NCOR2: variants seen among roughly 807,000 people sequenced by gnomAD.
NCOR2 encodes the protein nuclear receptor corepressor 2.
Under a neutral mutation model 262.9 loss-of-function variants are expected in NCOR2, and 81 were observed. That is an observed-to-expected ratio of 0.31 (90% confidence interval 0.26 to 0.37). NCOR2 has a LOEUF of 0.37. Among genes scored for constraint, NCOR2 ranks in the 10% least tolerant of loss-of-function variants. The pLI is 1.00. For synonymous variants in NCOR2, 1,659 were observed against 1,559.3 expected, an observed-to-expected ratio of 1.06 and a Z score of -1.51; for missense variants, 3,385 against 3,621.4, an observed-to-expected ratio of 0.93 and a Z score of 1.68.
intron 17 of NCOR2, chr12:124,383,546 A>AT: frequency 1.9e-6 from 1 of 516,890 alleles, no homozygotes. Context: ...AAAAAAAAAA[A>AT]GAGGGGGCCT....
In NCOR2 at chr12:124,403,324, CAG is replaced by C; in HGVS notation, c.1483-765_1483-764del. Among the ~76,000 whole-genome samples the C allele has an allele frequency of 1.3e-5, 2 of 152,234 alleles. 1 individual carries two copies. Among genetic ancestry groups the C allele is most frequent in the Non-Finnish European group, 2.9e-5 (2 of 67,988 alleles). On this transcript the variant is annotated intron_variant, in intron 13 of 46. Coordinates refer to ENST00000405201, the Ensembl canonical transcript of NCOR2. ...AACAAGCCCATTTTACAGAGCAGATCAGAGAGGCTGGGAGCCAAGCCAGCCTC... is the reference window on the plus strand; with the variant it reads ...AACAAGCCCATTTTACAGAGCAGATCAGAGGCTGGGAGCCAAGCCAGCCTC...
rs539786737 is a variant in NCOR2 at position 124,437,457 on chromosome 12, A to C, written c.882+473T>G. ...CTGGCCACAAATGCAGGCTCAGGGAAAGGGGGCTCAATGCTTGTCCACTGT... is the reference window on the plus strand; with the variant it reads ...CTGGCCACAAATGCAGGCTCAGGGACAGGGGGCTCAATGCTTGTCCACTGT... On this transcript the variant is annotated intron_variant, in intron 8 of 46. Coordinates refer to ENST00000405201, the Ensembl canonical transcript of NCOR2. Among the ~76,000 whole-genome samples, 27 of 152,292 alleles carry C rather than the reference A, an allele frequency of 1.8e-4. 3 individuals carry two copies. In the South Asian group the frequency reaches 5.6e-3, roughly 32 times the overall value.
rs111626833 is a variant in NCOR2 at position 124,442,464 on chromosome 12, C to T, written c.816-4468G>A. 3.2e-4 allele frequency among the ~76,000 whole-genome samples: 48 copies of T among 152,334 alleles called. 1 individual carries two copies. The highest frequency in any genetic ancestry group is 1.1e-3 in the African/African-American group (44 of 41,578). ...CCTAGTTGTGGTAAGTGTTTCTCTG[C>T]TGTTATATAAGCTGTCCACATGAGG... On this transcript the variant is annotated intron_variant, in intron 7 of 46. Coordinates refer to ENST00000405201, the Ensembl canonical transcript of NCOR2.
chr12:124,337,550 G>A (rs1432697322), intron 37 of NCOR2, among the ~76,000 whole-genome samples: 1 of 152,230 alleles, frequency 6.6e-6, no homozygotes, highest in Non-Finnish European at 1.5e-5. Context: ...TAACTGTGTG[G>A]AGGTAGTCAA....
intron 9 of NCOR2, 45 bp downstream of exon 11, chr12:124,430,570 C>A: frequency 6.4e-7 from 1 of 1,566,412 alleles, no homozygotes. Flanking sequence ...CTGGAGCTGA[C>A]CCCGGGCCCT....
At position 124,404,173 on chromosome 12, in the gene NCOR2, A is replaced by G. The variant is rs529284858; in HGVS notation, c.1483-1612T>C. ...TTCCTACACAGTATCCTTTCTGTCC[A>G]CATTTGCCCGATGTGGGCAGAGGTA... On this transcript the variant is annotated intron_variant, in intron 13 of 46. Coordinates refer to ENST00000405201, the Ensembl canonical transcript of NCOR2. Among the ~76,000 whole-genome samples, 291 of 152,316 alleles carry G rather than the reference A, an allele frequency of 1.9e-3. 1 individual carries two copies. Among genetic ancestry groups the G allele is most frequent in the Non-Finnish European group, 2.3e-3 (154 of 68,016 alleles).
chr12:124,348,485 TGGGGGCCTGCCAGCAGGACCC>T, intron 28 of NCOR2, 171 bp from the exon 31 acceptor site: 1 of 860,890 alleles, frequency 1.2e-6, no homozygotes, highest in Non-Finnish European at 1.7e-6. Flanking sequence ...CTGCAGGCCC[TGGGGGCCTGCCAGCAGGACCC>T]AGGAGCTTTT....
intron 16 of NCOR2, among the ~76,000 whole-genome samples, chr12:124,391,773 C>T (rs1017490957): frequency 6.6e-6 from 1 of 152,244 alleles, no homozygotes; most frequent in Non-Finnish European, 1.5e-5. Flanking sequence ...TACGTCTTCT[C>T]CCAGCTCTCA....
intron 44 of NCOR2, chr12:124,329,249 G>A (rs1014324188): frequency 9.4e-6 from 4 of 424,584 alleles, no homozygotes; most frequent in Non-Finnish European, 1.4e-5. Context: ...ATCATCTGAC[G>A]TCAGGAGTTC....
intron 1 of NCOR2, among the ~76,000 whole-genome samples, chr12:124,563,419 TTCA>T (rs2137301196): frequency 6.6e-6 from 1 of 152,384 alleles, no homozygotes; most frequent in South Asian, 2.1e-4. Context: ...GCTAAGTTCA[TTCA>T]TCATAAGCAC....
chr12:124,379,159 G>A (rs1241830147), intron 17 of NCOR2, among the ~76,000 whole-genome samples: 1 of 152,166 alleles, frequency 6.6e-6, no homozygotes, highest in Non-Finnish European at 1.5e-5. Flanking sequence ...CAGGTGCGGG[G>A]AGTCACAGGT....
intron 1 of NCOR2, chr12:124,530,132 AGAAT>A (rs2050703750): frequency 6.6e-6 from 1 of 152,250 alleles, no homozygotes; most frequent in Non-Finnish European, 1.5e-5. Context: ...GCCATGAGAA[AGAAT>A]GAATTGATAC....
intron 9 of NCOR2, among the ~76,000 whole-genome samples, chr12:124,430,298 C>T (rs1044625048): frequency 8.5e-5 from 13 of 152,212 alleles, no homozygotes; most frequent in African/African-American, 3.1e-4. Context: ...ACGTCTCTCC[C>T]CTTTGTCCCA....
intron 4 of NCOR2, among the ~76,000 whole-genome samples, chr12:124,468,246 A>C (rs2046605368): frequency 2.1e-5 from 1 of 47,760 alleles, no homozygotes; most frequent in Non-Finnish European, 3.9e-5. Context: ...CACCCCCCTC[A>C]TCCTCATCCT....
At chr12:124,414,701 G>A (rs1267425359) in intron 13 of NCOR2, among the ~76,000 whole-genome samples, 1 of 152,242 alleles carries the variant, frequency 6.6e-6, no homozygotes, top group African/African-American at 2.4e-5. Context: ...GAGGCAGACA[G>A]CATCTCCTGG....
chr12:124,429,776 GCAGCCCTGAGCC>G (rs2043809783), intron 9 of NCOR2, 70 bp from the exon 12 acceptor site: 1 of 1,395,418 alleles, frequency 7.2e-7, no homozygotes, highest in East Asian at 2.5e-5. Context: ...CCCCTGTGGC[GCAGCCCTGAGCC>G]CACGCCCTCC....
intron 1 of NCOR2, among the ~76,000 whole-genome samples, chr12:124,532,858 G>A (rs1030550394): frequency 1.9e-4 from 26 of 138,178 alleles, no homozygotes; most frequent in South Asian, 1.6e-3. Context: ...GACCGCCACC[G>A]TCCCACTCCT....
exon 47 of NCOR2, chr12:124,325,392 C>CCCCCGGTT: frequency 8.7e-7 from 1 of 1,152,268 alleles, no homozygotes; most frequent in Non-Finnish European, 1.1e-6. Flanking sequence ...CCCCCCCGCC[C>CCCCCGGTT]TGTTCTGAGT....
exon 14 of NCOR2, chr12:124,402,452 TTCTCCG>T: frequency 6.2e-7 from 1 of 1,613,584 alleles, no homozygotes; most frequent in East Asian, 2.2e-5. Context: ...CTCCTCCTCC[TTCTCCG>T]CCTCCTTTTC....
Sources: allele counts gnomAD v4.1 joint callset (sites outside exome capture counted in the v4.1 genomes callset), GRCh38; gene constraint gnomAD v4.1.1; transcripts MANE v1.5; gene names NCBI Gene and HGNC (gene_info 2026-07-23, HGNC 2026-07-21).